The following PLCH2 variants were observed in gnomAD, a reference collection of about 807,000 sequenced individuals.
PLCH2 encodes the protein phospholipase C eta 2.
PLCH2 carries 98 observed loss-of-function variants against 134.7 expected under a neutral mutation model. That is an observed-to-expected ratio of 0.73 (90% CI 0.62 to 0.86). The LOEUF (loss-of-function observed/expected upper bound fraction) is 0.86, where lower values mean the gene tolerates loss of function less well. PLCH2 is among the 40% of genes least tolerant of loss of function. PLCH2 has a pLI of 0.00. For synonymous variants in PLCH2, 974 were observed against 827.5 expected (o/e 1.18, Z -3.04); for missense variants, 1,994 against 1,986.6 (o/e 1.00, Z -0.07).
intron 2 of PLCH2, among the ~76,000 whole-genome samples, chr1:2,438,638 C>T (rs866874543): frequency 1.1e-4 from 17 of 152,198 alleles, no homozygotes; most frequent in South Asian, 8.3e-4. Context: ...AGAGCACCCC[C>T]GGCCACTGCG....
rs1641197721 is a variant in PLCH2, at chr1:2,468,920, G to A, written c.43+1258G>A. ...AGCCTGTCTGCAGTGGTCATGCCGTGCCTGGCCTGTGCAGCTGCTCCAGGG... is the reference window on the plus strand; with the variant it reads ...AGCCTGTCTGCAGTGGTCATGCCGTACCTGGCCTGTGCAGCTGCTCCAGGG... On this transcript the variant is annotated intron_variant, in intron 1 of 21. Coordinates refer to the PLCH2 transcript ENST00000449969. 2.6e-5 allele frequency among the ~76,000 whole-genome samples: 4 copies of A among 152,188 alleles called. No individual in the cohort carries two copies. The South Asian group carries it at 6.2e-4, about 24-fold the overall frequency.
At chr1:2,494,421 C>T (rs551060634) in intron 11 of PLCH2, 4 of 246,142 alleles carry the variant, frequency 1.6e-5, no homozygotes, top group East Asian at 1.3e-4. Flanking sequence ...CCGCGCACTG[C>T]GGGAACAGGT....
chr1:2,455,930 G>C (rs1640470665), intron 2 of PLCH2, among the ~76,000 whole-genome samples: 1 of 152,276 alleles, frequency 6.6e-6, no homozygotes, highest in Non-Finnish European at 1.5e-5. Flanking sequence ...GTGTGCTCGT[G>C]TGTTTAAGTG....
intron 11 of PLCH2, 75 bp from the exon 12 acceptor site, chr1:2,494,781 A>T: frequency 1.0e-6 from 1 of 974,688 alleles, no homozygotes; most frequent in Non-Finnish European, 1.5e-6. Context: ...TTCTGGGACC[A>T]CCAGGGGCTG....
rs750689384 is a variant in PLCH2 at position 2,498,576 on chromosome 1, C to T, written c.2278C>T (p.Leu760=). ...DPLPGQLKKQ[L]VLRIISGQQL... Reference sequence around the variant, plus strand: ...CCTGCCCGGGCAGCTCAAGAAGCAGCTGGTGCTCCGGATCATCAGTGGCCA... The same window carrying T: ...CCTGCCCGGGCAGCTCAAGAAGCAGTTGGTGCTCCGGATCATCAGTGGCCA... Residue 760 remains leucine, a synonymous_variant, in exon 17 of 22, where the codon CTG becomes TTG. Transcript: ENST00000378486. This position sits in a 1 kb window ranked among gnomAD's most constrained non-coding sequence, Gnocchi z 5.4. 1 of 1,603,552 alleles carries T rather than the reference C, an allele frequency of 6.2e-7. No individual in the cohort carries two copies. Among genetic ancestry groups the T allele is most frequent in the East Asian group, 2.2e-5 (1 of 44,518 alleles).
intron 2 of PLCH2, among the ~76,000 whole-genome samples, chr1:2,431,574 C>T (rs1323095016): frequency 6.6e-6 from 1 of 152,172 alleles, no homozygotes; most frequent in Non-Finnish European, 1.5e-5. Context: ...GCGCCCCCTT[C>T]TCCAGAGCTT....
At chr1:2,471,126 G>C (rs755581810) in intron 1 of PLCH2, among the ~76,000 whole-genome samples, 1 of 152,188 alleles carries the variant, frequency 6.6e-6, no homozygotes, top group Non-Finnish European at 1.5e-5. Context: ...TGTCAAGTGC[G>C]ATTAATACCG....
intron 2 of PLCH2, among the ~76,000 whole-genome samples, chr1:2,449,792 C>G (rs890799934): frequency 1.3e-5 from 2 of 152,226 alleles, no homozygotes; most frequent in African/African-American, 4.8e-5. Flanking sequence ...TGCCTGTAAG[C>G]TCTGCCTAGC....
intron 13 of PLCH2, among the ~76,000 whole-genome samples, chr1:2,495,927 C>T (rs908867021): frequency 2.6e-5 from 4 of 152,292 alleles, no homozygotes; most frequent in South Asian, 4.1e-4. Context: ...CCCCTCTTCC[C>T]GTCCAGTCAG....
chr1:2,496,751 C>A, intron 14 of PLCH2, 47 bp downstream of exon 14: 2 of 1,610,568 alleles, frequency 1.2e-6, no homozygotes, highest in Non-Finnish European at 1.7e-6. Flanking sequence ...CCTCCCTGTC[C>A]CCCATCCCTG....
intron 12 of PLCH2, 51 bp from the exon 13 acceptor site, chr1:2,495,437 G>A (rs1045452253): frequency 6.7e-7 from 1 of 1,500,966 alleles, no homozygotes; most frequent in Non-Finnish European, 9.1e-7. Context: ...CTTCGCCAAG[G>A]CCTGGCCTGG....
At chr1:2,431,893 C>T (rs1012569425) in intron 2 of PLCH2, among the ~76,000 whole-genome samples, 4 of 152,156 alleles carry the variant, frequency 2.6e-5, no homozygotes, top group Non-Finnish European at 5.9e-5. Context: ...GAGCCGGAAT[C>T]GTGTCCCTTT....
intron 1 of PLCH2, among the ~76,000 whole-genome samples, chr1:2,428,470 G>A (rs1179848095): frequency 1.3e-5 from 2 of 152,252 alleles, no homozygotes; most frequent in Non-Finnish European, 2.9e-5. Flanking sequence ...GACTGCATCT[G>A]TCCTGCATGG....
At chr1:2,458,708 C>T (rs1342170902) in intron 2 of PLCH2, among the ~76,000 whole-genome samples, 1 of 152,186 alleles carries the variant, frequency 6.6e-6, no homozygotes, top group African/African-American at 2.4e-5. Flanking sequence ...CCCGCCCAGA[C>T]CGCGCCCATA....
intron 11 of PLCH2, 74 bp from the exon 12 acceptor site, chr1:2,494,782 C>T (rs1006745412): frequency 8.0e-6 from 9 of 1,119,760 alleles, no homozygotes; most frequent in African/African-American, 7.7e-5. Flanking sequence ...TCTGGGACCA[C>T]CAGGGGCTGT....
At chr1:2,467,609 A>T in exon 1 of PLCH2, 2 of 410,422 alleles carry the variant, frequency 4.9e-6, no homozygotes, top group Non-Finnish European at 8.7e-6. Flanking sequence ...TGGGATTGGC[A>T]CCCGCCGGCC....
In PLCH2 at chr1:2,489,773, C is replaced by T. The variant is rs745484932; in HGVS notation, c.1421C>T (p.Pro474Leu). Residue 474 changes from proline to leucine, a missense_variant, in exon 10 of 22, where the codon CCA (proline) becomes CTA (leucine). Transcript: ENST00000378486. ...CTCCTCCCCCAGGGGAAGAAGCTCC[C>T]AGCCAACATCAGCGAGGATGCGGAG... Reference protein sequence around the residue: ...GKILVKGKKLPANISEDAEEG... With the variant: ...GKILVKGKKLLANISEDAEEG... 1.2e-6 allele frequency: 2 copies of T among 1,613,514 alleles called. No homozygotes were observed. Among genetic ancestry groups the T allele is most frequent in the Non-Finnish European group, 8.5e-7 (1 of 1,179,662 alleles).
chr1:2,419,690 A>G, the PLCH2 span, among the ~76,000 whole-genome samples: 1 of 151,930 alleles, frequency 6.6e-6, no homozygotes, highest in Admixed American at 6.6e-5. Flanking sequence ...GCATCCACAG[A>G]CCCGGGGGCC....
At position 2,504,190 on chromosome 1, in the gene PLCH2, G is replaced by C; in HGVS notation, c.3228G>C (p.Thr1076=). 3 of 1,545,660 alleles carry C rather than the reference G, an allele frequency of 1.9e-6. No individual in the cohort carries two copies. Among genetic ancestry groups the C allele is most frequent in the Non-Finnish European group, 2.6e-6 (3 of 1,146,476 alleles). Residue 1076 remains threonine, a synonymous_variant, in exon 22 of 22, where the codon ACG becomes ACC. Coordinates refer to ENST00000378486, the MANE Select transcript of PLCH2 (RefSeq NM_014638.4). ...ACGAGAGGGCCCCCGGCAGCCAGAC[G>C]GACGGCAGGAGCCAGCCCCGGACCC... ...GAYERAPGSQ[T]DGRSQPRTLG...
Sources: allele counts gnomAD v4.1 joint callset (sites outside exome capture counted in the v4.1 genomes callset), GRCh38; gene constraint gnomAD v4.1.1; non-coding constraint Gnocchi (gnomAD v3.1); transcripts MANE v1.5; gene names NCBI Gene and HGNC (gene_info 2026-07-23, HGNC 2026-07-21).